The following CFAP77 variants were observed in gnomAD, a reference collection of about 807,000 sequenced individuals.
The protein encoded by CFAP77 is cilia and flagella associated protein 77.
A neutral mutation model predicts 31.1 loss-of-function variants in CFAP77; 25 were observed. That is an observed-to-expected ratio of 0.80 (90% confidence interval 0.59 to 1.12). The LOEUF (loss-of-function observed/expected upper bound fraction) is 1.12, where lower values mean the gene tolerates loss of function less well. CFAP77 is among the 50% of genes most tolerant of loss of function. The probability of loss-of-function intolerance (pLI) is 0.00; values close to 1 mark genes in which losing one functional copy is unlikely to be tolerated. For synonymous variants in CFAP77, 151 were observed against 159.9 expected (o/e 0.94, Z 0.42); for missense variants, 377 against 397.3 (o/e 0.95, Z 0.44).
intron 1 of CFAP77, among the ~76,000 whole-genome samples, chr9:132,469,838 A>ATTTTTT (rs763910119): frequency 0.084 from 10,707 of 128,224 alleles, 1,263 homozygotes; most frequent in African/African-American, 0.28. Flanking sequence ...TTGCTCCGTG[A>ATTTTTT]TTTTTTTTTT....
intron 5 of CFAP77, among the ~76,000 whole-genome samples, chr9:132,559,979 A>T (rs1011564099): frequency 1.3e-5 from 2 of 152,226 alleles, no homozygotes; most frequent in African/African-American, 4.8e-5. Flanking sequence ...AAAATAGGGA[A>T]AGCCACACCA....
At chr9:132,415,329 A>G (rs1850077162) in intron 1 of CFAP77, among the ~76,000 whole-genome samples, 1 of 151,944 alleles carries the variant, frequency 6.6e-6, no homozygotes, top group Admixed American at 6.5e-5. Flanking sequence ...GTGCCCAGGT[A>G]CATCCTTCAG....
chr9:132,521,134 GC>G (rs1852256869), intron 3 of CFAP77, among the ~76,000 whole-genome samples: 1 of 151,904 alleles, frequency 6.6e-6, no homozygotes, highest in Non-Finnish European at 1.5e-5. Context: ...GCCTGGCCGG[GC>G]TCTCTGTTCT....
chr9:132,562,425 A>T (rs4962191), intron 5 of CFAP77, among the ~76,000 whole-genome samples: 46,800 of 152,102 alleles, frequency 0.31, 7,370 homozygotes, highest in East Asian at 0.34. Context: ...GTCTAAGCAG[A>T]TTCACACATA....
At chr9:132,469,186 C>T (rs564454094) in intron 1 of CFAP77, among the ~76,000 whole-genome samples, 5 of 152,210 alleles carry the variant, frequency 3.3e-5, no homozygotes, top group Non-Finnish European at 5.9e-5. Context: ...GTACCAGGGG[C>T]GGAGACCCAG....
At chr9:132,557,719 CG>C (rs1358744169) in intron 5 of CFAP77, among the ~76,000 whole-genome samples, 2 of 152,242 alleles carry the variant, frequency 1.3e-5, no homozygotes, top group Admixed American at 6.5e-5. Context: ...ACAAGGCTGC[CG>C]GGAGTCCATG....
chr9:132,439,497 A>C (rs1191082972), intron 1 of CFAP77, among the ~76,000 whole-genome samples: 1 of 151,990 alleles, frequency 6.6e-6, no homozygotes, highest in Non-Finnish European at 1.5e-5. Flanking sequence ...AGTCTTCCTG[A>C]TTCATCTTCA....
chr9:132,557,821 C>G (rs1852927933), intron 5 of CFAP77, among the ~76,000 whole-genome samples: 1 of 152,162 alleles, frequency 6.6e-6, no homozygotes, highest in African/African-American at 2.4e-5. Flanking sequence ...GCTGGCTACC[C>G]CAGGAACGGG....
At chr9:132,532,858 G>A (rs993331949) in intron 3 of CFAP77, among the ~76,000 whole-genome samples, 6 of 152,202 alleles carry the variant, frequency 3.9e-5, no homozygotes, top group East Asian at 1.9e-4. Flanking sequence ...AGACCAGCCC[G>A]GGCAACATAG....
In CFAP77 at chr9:132,481,814, T is replaced by C. The variant is rs2118905863; in HGVS notation, c.196-16881T>C. Among the ~76,000 whole-genome samples the C allele has an allele frequency of 1.3e-5, 2 of 152,320 alleles. No individual in the cohort carries two copies. The highest frequency in any genetic ancestry group is 2.9e-5 in the Non-Finnish European group (2 of 68,030). ...GGTCAGCTGCCATTTTGTGTTAAAC[T>C]CCTTCTCATTTATTACAATACCACT... On this transcript the variant is annotated intron_variant, in intron 1 of 5. Coordinates refer to ENST00000393216, the MANE Select transcript of CFAP77 (RefSeq NM_001282957.2). The surrounding 1 kb of genome is among the most constrained non-coding windows in gnomAD (Gnocchi z 5.0).
intron 1 of CFAP77, among the ~76,000 whole-genome samples, chr9:132,477,015 C>T (rs513399): frequency 0.51 from 76,825 of 151,628 alleles, 19,901 homozygotes; most frequent in East Asian, 0.76. Flanking sequence ...GGTGCTGTGA[C>T]GCCAACCTCC....
chr9:132,425,417 C>A (rs991928535), intron 1 of CFAP77, among the ~76,000 whole-genome samples: 2 of 152,110 alleles, frequency 1.3e-5, no homozygotes, highest in Admixed American at 6.6e-5. Context: ...AATGCTCCCC[C>A]CTCCTTATCC....
chr9:132,479,037 C>A (rs558069011), intron 1 of CFAP77, among the ~76,000 whole-genome samples: 1 of 152,274 alleles, frequency 6.6e-6, no homozygotes, highest in Non-Finnish European at 1.5e-5. Flanking sequence ...GGATCAAGAC[C>A]ATCGCTGGAG....
At chr9:132,475,781 T>C (rs1851338311) in intron 1 of CFAP77, among the ~76,000 whole-genome samples, 1 of 152,150 alleles carries the variant, frequency 6.6e-6, no homozygotes, top group African/African-American at 2.4e-5. Context: ...GACTCCTGGG[T>C]ACCCCCACCC....
chr9:132,570,828 T>G (rs868291376), intron 5 of CFAP77, among the ~76,000 whole-genome samples: 1 of 152,104 alleles, frequency 6.6e-6, no homozygotes, highest in African/African-American at 2.4e-5. Context: ...TGTGACACAA[T>G]ATTCTAGAAA....
rs1324239398 is a variant in CFAP77, at chr9:132,545,415, A to T, written c.732+2368A>T. Among the ~76,000 whole-genome samples the T allele has an allele frequency of 6.6e-6, 1 of 152,158 alleles. No homozygotes were observed. The highest frequency in any genetic ancestry group is 6.5e-5 in the Admixed American group (1 of 15,288). ...GATGGCAGGGCCCAAGCCGAGACAC[A>T]TGACCTATCGGGCCATAAAACTCAT... On this transcript the variant is annotated intron_variant, in intron 5 of 5. Coordinates refer to ENST00000393216, the MANE Select transcript of CFAP77 (RefSeq NM_001282957.2). The surrounding 1 kb of genome is among the most constrained non-coding windows in gnomAD (Gnocchi z 4.6).
rs1251979741 is a variant in CFAP77 at position 132,572,823 on chromosome 9, C to T, written c.*313C>T. 3 of 378,684 alleles carry T rather than the reference C, an allele frequency of 7.9e-6. No homozygotes were observed. The highest frequency in any genetic ancestry group is 4.6e-5 in the East Asian group (1 of 21,904). 23.5% of individuals were successfully genotyped at this position (378,684 alleles called of 1,614,324 possible). On this transcript the variant is annotated 3_prime_UTR_variant, in exon 6 of 6. Transcript: ENST00000393216. ...GCCAAGACAAGCCCAAATTACAAGA[C>T]AATTTTTTAGACTCCAGGCTAAGGG...
At chr9:132,473,840 C>T (rs1462210582) in intron 1 of CFAP77, among the ~76,000 whole-genome samples, 2 of 152,188 alleles carry the variant, frequency 1.3e-5, no homozygotes, top group East Asian at 1.9e-4. Context: ...TGCACCACCA[C>T]GCCCGGCTAA....
At position 132,481,418 on chromosome 9, in the gene CFAP77, G is replaced by A. The variant is rs1157035723; in HGVS notation, c.196-17277G>A. Among the ~76,000 whole-genome samples, 2 of 152,008 alleles carry A rather than the reference G, an allele frequency of 1.3e-5. No individual in the cohort carries two copies. The highest frequency in any genetic ancestry group is 1.9e-4 in the East Asian group (1 of 5,182). On this transcript the variant is annotated intron_variant, in intron 1 of 5. Transcript: ENST00000393216. This position sits in a 1 kb window ranked among gnomAD's most constrained non-coding sequence, Gnocchi z 5.0. ...CTATTTCTTTTCCCTTTGACTAGCCGCCTAATCCTCGAACTCACTCCTTAC... is the reference window on the plus strand; with the variant it reads ...CTATTTCTTTTCCCTTTGACTAGCCACCTAATCCTCGAACTCACTCCTTAC...
Sources: allele counts gnomAD v4.1 joint callset (sites outside exome capture counted in the v4.1 genomes callset), GRCh38; gene constraint gnomAD v4.1.1; non-coding constraint Gnocchi (gnomAD v3.1); transcripts MANE v1.5; gene names NCBI Gene and HGNC (gene_info 2026-07-23, HGNC 2026-07-21).